The following SPATA6 variants were observed in gnomAD, a reference collection of about 807,000 sequenced individuals.
SPATA6 encodes the protein spermatogenesis-associated protein 6.
Under a neutral mutation model 65.3 loss-of-function variants are expected in SPATA6, and 56 were observed. That is an observed-to-expected ratio of 0.86 (90% CI 0.69 to 1.07). The LOEUF (loss-of-function observed/expected upper bound fraction) is 1.07, where lower values mean the gene tolerates loss of function less well. Among genes scored for constraint, SPATA6 ranks in the 50% least tolerant of loss-of-function variants. SPATA6 has a pLI of 0.00. For synonymous variants in SPATA6, 199 were observed against 213.2 expected (o/e 0.93, Z 0.58); for missense variants, 590 against 594.8 (o/e 0.99, Z 0.08).
chr1:48,411,099 A>G (rs1001270029), intron 5 of SPATA6, among the ~76,000 whole-genome samples: 17 of 152,214 alleles, frequency 1.1e-4, no homozygotes, highest in Admixed American at 1.1e-3. Flanking sequence ...AAAGAGAAGA[A>G]AGAGACAGAG....
In SPATA6 at chr1:48,298,499, A is replaced by G. The variant is rs2148633225; in HGVS notation, c.*214T>C. The G allele has an allele frequency of 2.4e-6, 1 of 420,188 alleles. No individual in the cohort carries two copies. The highest frequency in any genetic ancestry group is 4.2e-6 in the Non-Finnish European group (1 of 240,914). 26.0% of individuals were successfully genotyped at this position (420,188 alleles called of 1,614,324 possible). ...GTTGTGATTGTGTGACAGAGCTCTA[A>G]TGTTTGTAACACAGCAGACTCTTCT... On this transcript the variant is annotated 3_prime_UTR_variant, in exon 13 of 13. Coordinates refer to ENST00000371847, the MANE Select transcript of SPATA6 (RefSeq NM_019073.4).
rs192484516 is a variant in SPATA6, at chr1:48,346,485, C to T, written c.1194+9185G>A. ...GGAAATCCTGGACGGAGCAATCAGACGAGAGAAAGACATGAAAATAGAAGA... is the reference window on the plus strand; with the variant it reads ...GGAAATCCTGGACGGAGCAATCAGATGAGAGAAAGACATGAAAATAGAAGA... On this transcript the variant is annotated intron_variant, in intron 11 of 12. Coordinates refer to ENST00000371847, the MANE Select transcript of SPATA6 (RefSeq NM_019073.4). Among the ~76,000 whole-genome samples, 425 of 151,868 alleles carry T rather than the reference C, an allele frequency of 2.8e-3. 3 individuals are homozygous for T. The highest frequency in any genetic ancestry group is 2.3e-3 in the East Asian group (12 of 5,166).
intron 3 of SPATA6, among the ~76,000 whole-genome samples, chr1:48,432,409 A>G (rs1654488149): frequency 6.6e-6 from 1 of 152,228 alleles, no homozygotes; most frequent in Non-Finnish European, 1.5e-5. Flanking sequence ...ATAAAAAATT[A>G]CAATCTAGAA....
intron 1 of SPATA6, among the ~76,000 whole-genome samples, chr1:48,464,347 G>C (rs570883101): frequency 3.3e-5 from 5 of 152,204 alleles, no homozygotes; most frequent in African/African-American, 1.2e-4. Flanking sequence ...GGATTGTACT[G>C]CAAAAGTCAA....
chr1:48,411,976 C>T (rs555091510), intron 4 of SPATA6, among the ~76,000 whole-genome samples: 23 of 152,088 alleles, frequency 1.5e-4, no homozygotes, highest in Admixed American at 1.5e-3. Flanking sequence ...AAGTGATTCT[C>T]CTCCTGCAGC....
intron 9 of SPATA6, among the ~76,000 whole-genome samples, chr1:48,380,071 T>C (rs1648381345): frequency 6.6e-6 from 1 of 152,204 alleles, no homozygotes; most frequent in South Asian, 2.1e-4. Flanking sequence ...TTAATAAAGC[T>C]GGAGAAAAAA....
chr1:48,287,920 T>G, the SPATA6 span, among the ~76,000 whole-genome samples: 2 of 152,230 alleles, frequency 1.3e-5, no homozygotes, highest in African/African-American at 4.8e-5. Context: ...TCCAAAAGAT[T>G]ATAATGTTAG....
intron 11 of SPATA6, among the ~76,000 whole-genome samples, chr1:48,316,829 T>C (rs547706355): frequency 6.6e-6 from 1 of 152,078 alleles, no homozygotes; most frequent in Admixed American, 6.6e-5. Flanking sequence ...CTAAAACAAA[T>C]TTACAAGAAA....
chr1:48,392,931 A>T (rs558113378), intron 8 of SPATA6, among the ~76,000 whole-genome samples: 11 of 152,138 alleles, frequency 7.2e-5, no homozygotes, highest in Non-Finnish European at 1.3e-4. Context: ...GTAAAAAAAA[A>T]AAGTTGAGGG....
intron 12 of SPATA6, among the ~76,000 whole-genome samples, chr1:48,303,600 T>A (rs1644991298): frequency 6.6e-6 from 1 of 152,170 alleles, no homozygotes; most frequent in South Asian, 2.1e-4. Context: ...ATGAAAAGAT[T>A]TCATTTTTTT....
chr1:48,364,284 A>C (rs1488539483), intron 9 of SPATA6, among the ~76,000 whole-genome samples: 2 of 152,052 alleles, frequency 1.3e-5, no homozygotes, highest in Non-Finnish European at 2.9e-5. Context: ...GTCTTTATAG[A>C]AGCATGATTT....
chr1:48,360,978 A>G (rs1483352911), intron 9 of SPATA6, among the ~76,000 whole-genome samples: 1 of 152,202 alleles, frequency 6.6e-6, no homozygotes, highest in Non-Finnish European at 1.5e-5. Flanking sequence ...TTGTAAGCAT[A>G]GAAAATTAAG....
intron 11 of SPATA6, among the ~76,000 whole-genome samples, chr1:48,306,132 T>C (rs1219732111): frequency 6.6e-6 from 1 of 152,032 alleles, no homozygotes; most frequent in African/African-American, 2.4e-5. Flanking sequence ...TAGATACCTC[T>C]TGAATCCATA....
intron 11 of SPATA6, among the ~76,000 whole-genome samples, chr1:48,328,441 A>C (rs1450223621): frequency 2.6e-5 from 4 of 152,186 alleles, no homozygotes; most frequent in Admixed American, 1.3e-4. Flanking sequence ...AAAAAGAATA[A>C]AGTGACATGT....
chr1:48,313,709 G>A (rs534436402), intron 11 of SPATA6, among the ~76,000 whole-genome samples: 10 of 152,148 alleles, frequency 6.6e-5, no homozygotes, highest in Non-Finnish European at 1.0e-4. Flanking sequence ...AACATTAAAT[G>A]TAAATGGGCT....
chr1:48,381,156 C>G (rs1274846932), intron 9 of SPATA6, among the ~76,000 whole-genome samples: 1 of 152,134 alleles, frequency 6.6e-6, no homozygotes, highest in Non-Finnish European at 1.5e-5. Flanking sequence ...CCACTCACCT[C>G]CTGTGGTGTG....
At chr1:48,334,795 AAG>A (rs969103812) in intron 11 of SPATA6, among the ~76,000 whole-genome samples, 12 of 152,132 alleles carry the variant, frequency 7.9e-5, no homozygotes, top group African/African-American at 2.9e-4. Context: ...GCAATCAGAC[AAG>A]AGAGAGAAGC....
intron 3 of SPATA6, among the ~76,000 whole-genome samples, chr1:48,429,265 C>T (rs1654179559): frequency 6.6e-6 from 1 of 152,100 alleles, no homozygotes; most frequent in African/African-American, 2.4e-5. Context: ...CTCCCAAGGA[C>T]CAGAATTCTT....
chr1:48,332,337 A>T (rs1348666094), intron 11 of SPATA6, among the ~76,000 whole-genome samples: 2 of 152,102 alleles, frequency 1.3e-5, no homozygotes, highest in Non-Finnish European at 2.9e-5. Context: ...TCTTCAAGAG[A>T]CCCATCTCAC....
Sources: gnomAD v4.1 joint callset for allele counts (sites outside exome capture counted in the v4.1 genomes callset) on GRCh38, gnomAD v4.1.1 for gene constraint, MANE v1.5 for transcripts, NCBI Gene and HGNC (gene_info 2026-07-23, HGNC 2026-07-21) for gene names.